SLC25A13: variants seen among roughly 807,000 people sequenced by gnomAD.
SLC25A13 encodes electrogenic aspartate/glutamate antiporter SLC25A13, mitochondrial.
Under a neutral mutation model 85.5 loss-of-function variants are expected in SLC25A13, and 70 were observed. The ratio of observed to expected loss-of-function variants is 0.82; its 90% CI spans 0.68 to 1.00. The LOEUF (loss-of-function observed/expected upper bound fraction) is 1.00. Ranked by LOEUF, SLC25A13 falls within the 50% of genes least tolerant of loss-of-function variation. The pLI, the probability that SLC25A13 is intolerant of heterozygous loss-of-function variation, is 0.00. For synonymous variants in SLC25A13, 259 were observed against 288.7 expected, an observed-to-expected ratio of 0.90 and a Z score of 1.04; for missense variants, 765 against 819.8, an observed-to-expected ratio of 0.93 and a Z score of 0.82.
At chr7:96,204,158 C>T (rs1041455993) in intron 5 of SLC25A13, among the ~76,000 whole-genome samples, 6 of 152,070 alleles carry the variant, frequency 3.9e-5, no homozygotes, top group Admixed American at 6.6e-5. Flanking sequence ...CTTTTGCATA[C>T]AATATGTGAT....
At chr7:96,285,764 T>G (rs1400812009) in intron 2 of SLC25A13, among the ~76,000 whole-genome samples, 1 of 152,206 alleles carries the variant, frequency 6.6e-6, no homozygotes, top group Non-Finnish European at 1.5e-5. Flanking sequence ...TTGTTATACA[T>G]CTTTTGCACC....
At chr7:96,156,786 A>T (rs1202055880) in intron 13 of SLC25A13, among the ~76,000 whole-genome samples, 1 of 152,044 alleles carries the variant, frequency 6.6e-6, no homozygotes, top group East Asian at 1.9e-4. Flanking sequence ...ACCTCAAGTG[A>T]TCCACCTGCC....
At chr7:96,128,451 G>A (rs902840096) in intron 15 of SLC25A13, among the ~76,000 whole-genome samples, 2 of 151,954 alleles carry the variant, frequency 1.3e-5, no homozygotes, top group Non-Finnish European at 2.9e-5. Flanking sequence ...AGCTTACTTC[G>A]CATTACACAG....
intron 13 of SLC25A13, among the ~76,000 whole-genome samples, chr7:96,156,582 G>C (rs1468424204): frequency 1.3e-5 from 2 of 152,124 alleles, no homozygotes; most frequent in Non-Finnish European, 2.9e-5. Context: ...CTCCCAAGTA[G>C]CTGGGAATAC....
chr7:96,168,515 A>G (rs970074098), intron 13 of SLC25A13, among the ~76,000 whole-genome samples: 2 of 152,172 alleles, frequency 1.3e-5, no homozygotes, highest in Non-Finnish European at 2.9e-5. Context: ...ATGCAAAAAC[A>G]AGACCACCTA....
intron 1 of SLC25A13, among the ~76,000 whole-genome samples, chr7:96,317,393 T>C (rs1025519091): frequency 6.6e-6 from 1 of 151,672 alleles, no homozygotes; most frequent in Admixed American, 6.6e-5. Context: ...CGAAACACAG[T>C]TGGAACTGAA....
intron 1 of SLC25A13, among the ~76,000 whole-genome samples, chr7:96,302,081 T>C (rs1799566840): frequency 6.6e-6 from 1 of 152,336 alleles, no homozygotes; most frequent in Non-Finnish European, 1.5e-5. Context: ...TCACTGAATA[T>C]GTAAAACTTT....
In SLC25A13 at chr7:96,191,155, G is replaced by A. The variant is rs770492749; in HGVS notation, c.708C>T (p.Ile236=). ...TCCTGGTGCCAGCCAGAGTGCTATA[G>A]ATCTTTCTAATGAGTTCCATGTTGT... ...LLNNMELIRK[I]YSTLAGTRKD... The change falls in exon 7 of 18, where the codon ATC becomes ATT. Residue 236 remains isoleucine, a synonymous_variant. Coordinates refer to ENST00000265631, the MANE Select transcript of SLC25A13 (RefSeq NM_014251.3). 1 of 1,613,904 alleles carries A rather than the reference G, an allele frequency of 6.2e-7. No individual in the cohort carries two copies. Among genetic ancestry groups the A allele is most frequent in the South Asian group, 1.1e-5 (1 of 91,078 alleles).
intron 5 of SLC25A13, among the ~76,000 whole-genome samples, chr7:96,203,991 T>C (rs1393678504): frequency 2.6e-5 from 4 of 152,232 alleles, no homozygotes; most frequent in Non-Finnish European, 5.9e-5. Flanking sequence ...CTTGAATTTG[T>C]CACACACCTG....
chr7:96,240,215 C>G (rs889366367), intron 3 of SLC25A13, among the ~76,000 whole-genome samples: 1 of 152,090 alleles, frequency 6.6e-6, no homozygotes, highest in Non-Finnish European at 1.5e-5. Flanking sequence ...AAATAAATGA[C>G]TCAATGAATT....
chr7:96,183,091 G>T (rs1794481947), intron 11 of SLC25A13, among the ~76,000 whole-genome samples: 1 of 152,126 alleles, frequency 6.6e-6, no homozygotes, highest in Non-Finnish European at 1.5e-5. Context: ...ACCCTGAAAG[G>T]GTCATCATCA....
At chr7:96,138,811 A>G (rs951658984) in intron 14 of SLC25A13, among the ~76,000 whole-genome samples, 2 of 152,198 alleles carry the variant, frequency 1.3e-5, no homozygotes, top group Non-Finnish European at 2.9e-5. Context: ...ATTTGCTGTT[A>G]CTTTAAGGAA....
intron 14 of SLC25A13, among the ~76,000 whole-genome samples, chr7:96,140,926 GTCCT>G (rs1792529387): frequency 2.0e-5 from 3 of 151,354 alleles, no homozygotes; most frequent in Non-Finnish European, 4.4e-5. Context: ...ATCTATTCTA[GTCCT>G]TTGCTCATTT....
intron 3 of SLC25A13, among the ~76,000 whole-genome samples, chr7:96,267,763 A>G (rs1798091066): frequency 6.6e-6 from 1 of 150,872 alleles, no homozygotes; most frequent in Non-Finnish European, 1.5e-5. Flanking sequence ...CAGTGAGCTG[A>G]GATCATCCCA....
chr7:96,174,585 T>C (rs1213059371), intron 11 of SLC25A13, among the ~76,000 whole-genome samples: 1 of 152,252 alleles, frequency 6.6e-6, no homozygotes, highest in African/African-American at 2.4e-5. Context: ...TAGTTAAACA[T>C]TTACTTGCTA....
chr7:96,321,962 G>C lies in SLC25A13; in HGVS notation c.-6C>G, dbSNP rs1396303527. ...GTTACCTTGGCGGCCGCCATGATTCGCCCCGGTTGCGGGCGACTGCGGGAC... is the reference window on the plus strand; with the variant it reads ...GTTACCTTGGCGGCCGCCATGATTCCCCCCGGTTGCGGGCGACTGCGGGAC... On this transcript the variant is annotated 5_prime_UTR_variant, in exon 1 of 18. Coordinates refer to ENST00000265631, the MANE Select transcript of SLC25A13 (RefSeq NM_014251.3). 2 of 1,539,994 alleles carry C rather than the reference G, an allele frequency of 1.3e-6. No homozygotes were observed. Among genetic ancestry groups the C allele is most frequent in the South Asian group, 2.4e-5 (2 of 82,522 alleles).
At chr7:96,157,484 T>G (rs1793328389) in intron 13 of SLC25A13, among the ~76,000 whole-genome samples, 1 of 152,166 alleles carries the variant, frequency 6.6e-6, no homozygotes, top group African/African-American at 2.4e-5. Flanking sequence ...CACAGGGAAG[T>G]GATATAGCTA....
chr7:96,189,033 G>A (rs1179963170), intron 9 of SLC25A13, among the ~76,000 whole-genome samples: 2 of 152,204 alleles, frequency 1.3e-5, no homozygotes, highest in Non-Finnish European at 1.5e-5. Context: ...CCTCCTTCAT[G>A]TTTTCGGAGC....
Position 96,154,593 on chromosome 7 carries a change from G to A in SLC25A13, c.1312-7897C>T, listed in dbSNP as rs189053591. On this transcript the variant is annotated intron_variant, in intron 13 of 17. Coordinates refer to ENST00000265631, the MANE Select transcript of SLC25A13 (RefSeq NM_014251.3). ...ATTACAGGCGTGAGCCACTGCATCC[G>A]GCCGAGTATCTTAAAAAGGTAGATA... 1.6e-4 allele frequency among the ~76,000 whole-genome samples: 24 copies of A among 152,188 alleles called. No homozygotes were observed. The East Asian group carries it at 4.3e-3, about 27-fold the overall frequency.
Sources: gnomAD v4.1 joint callset for allele counts (sites outside exome capture counted in the v4.1 genomes callset) on GRCh38, gnomAD v4.1.1 for gene constraint, MANE v1.5 for transcripts, NCBI Gene and HGNC (gene_info 2026-07-23, HGNC 2026-07-21) for gene names.